Variants in LPCAT1 observed in about 807,000 individuals in gnomAD.
LPCAT1 encodes the protein lysophosphatidylcholine acyltransferase 1.
A neutral mutation model predicts 60.9 loss-of-function variants in LPCAT1; 23 were observed. The observed-to-expected ratio is 0.38, with a 90% CI of 0.27 to 0.53. The LOEUF is 0.53. LPCAT1 is among the 20% of genes least tolerant of loss of function. The pLI is 0.82. For missense variants in LPCAT1, 622 were observed against 723.6 expected (o/e 0.86, Z 1.61); for synonymous variants, 340 against 301.1 (o/e 1.13, Z -1.34).
At position 1,483,574 on chromosome 5, in the gene LPCAT1, G is replaced by T. The variant is rs1203432237; in HGVS notation, c.668-88C>A. 7.0e-7 allele frequency: 1 copy of T among 1,426,376 alleles called. No individual in the cohort carries two copies. Among genetic ancestry groups the T allele is most frequent in the East Asian group, 2.3e-5 (1 of 43,848 alleles). The allele number at this position is 1,426,376 out of a possible 1,614,324, so 88.4% of individuals were successfully genotyped here. A position where few individuals can be genotyped will look rare whatever the true frequency, so the allele number is the denominator to read the frequency against. The stretch of plus-strand genomic sequence containing the variant: ...TTCTCATGCTGCCCTTGGGATAAAA[G>T]TGAGCTTTTCTGTCTAGGCCTTCCT... On this transcript the variant is annotated intron_variant, in intron 5 of 13. Coordinates refer to ENST00000283415, the MANE Select transcript of LPCAT1 (RefSeq NM_024830.5). The surrounding 1 kb of genome is among the most constrained non-coding windows in gnomAD (Gnocchi z 9.2).
At chr5:1,501,796 A>G (rs965789003) in intron 1 of LPCAT1, among the ~76,000 whole-genome samples, 193 bp from the exon 2 acceptor site, 1 of 151,982 alleles carries the variant, frequency 6.6e-6, no homozygotes, top group Admixed American at 6.6e-5. Context: ...GAGGCTGACC[A>G]GTGCTGACCG....
intron 13 of LPCAT1, among the ~76,000 whole-genome samples, chr5:1,464,107 G>T (rs1734223539): frequency 6.6e-6 from 1 of 152,224 alleles, no homozygotes; most frequent in African/African-American, 2.4e-5. Flanking sequence ...TTCTGGTTTT[G>T]AATTCGACAG....
chr5:1,523,160 G>C lies in LPCAT1; in HGVS notation c.135+550C>G, dbSNP rs1364139581. 6.6e-6 allele frequency among the ~76,000 whole-genome samples: 1 copy of C among 152,192 alleles called. No homozygotes were observed. Among genetic ancestry groups the C allele is most frequent in the African/African-American group, 2.4e-5 (1 of 41,466 alleles). ...TACAGGGGACCCGCACCGCCCGCGC[G>C]CCCTGTCCCGGGCACCACCAGGCCC... On this transcript the variant is annotated intron_variant, in intron 1 of 13. Coordinates refer to ENST00000283415, the MANE Select transcript of LPCAT1 (RefSeq NM_024830.5). The surrounding 1 kb of genome is among the most constrained non-coding windows in gnomAD (Gnocchi z 7.1).
intron 5 of LPCAT1, among the ~76,000 whole-genome samples, chr5:1,484,876 C>T (rs1735311420): frequency 6.6e-6 from 1 of 152,182 alleles, no homozygotes; most frequent in African/African-American, 2.4e-5. Flanking sequence ...CACCTGGGAG[C>T]AAGCTCATGC....
At chr5:1,500,088 G>A (rs1735950256) in intron 2 of LPCAT1, among the ~76,000 whole-genome samples, 1 of 152,224 alleles carries the variant, frequency 6.6e-6, no homozygotes, top group African/African-American at 2.4e-5. Flanking sequence ...CAGGCCAGCG[G>A]GCGTGCCCGT....
chr5:1,465,357 C>T (rs550896253), intron 13 of LPCAT1, among the ~76,000 whole-genome samples: 8 of 147,572 alleles, frequency 5.4e-5, no homozygotes, highest in East Asian at 4.0e-4. Flanking sequence ...CACATGCGCA[C>T]GCACAAGTGC....
At chr5:1,465,762 G>T (rs1204957301) in intron 13 of LPCAT1, among the ~76,000 whole-genome samples, 1 of 107,678 alleles carries the variant, frequency 9.3e-6, no homozygotes, top group Non-Finnish European at 1.9e-5. Flanking sequence ...GTACACAAAC[G>T]TGTGCACACA....
At chr5:1,500,120 T>C (rs1735951500) in intron 2 of LPCAT1, among the ~76,000 whole-genome samples, 2 of 152,368 alleles carry the variant, frequency 1.3e-5, no homozygotes, top group South Asian at 2.1e-4. Context: ...ACTTTACTTA[T>C]AGTCAGGCAG....
At chr5:1,464,644 C>CACAG in intron 13 of LPCAT1, among the ~76,000 whole-genome samples, 1 of 80,474 alleles carries the variant, frequency 1.2e-5, no homozygotes, top group African/African-American at 3.5e-5. Flanking sequence ...CACATGCGTG[C>CACAG]ACACACACAC....
intron 13 of LPCAT1, among the ~76,000 whole-genome samples, chr5:1,465,184 C>T (rs1243161624): frequency 9.7e-5 from 14 of 144,234 alleles, no homozygotes; most frequent in Non-Finnish European, 1.4e-4. Flanking sequence ...ACAAAACAAG[C>T]GCACGCGCAC....
Position 1,466,875 on chromosome 5 carries a change from C to G in LPCAT1, c.1294G>C (p.Glu432Gln). 1 of 1,603,802 alleles carries G rather than the reference C, an allele frequency of 6.2e-7. No individual in the cohort carries two copies. The highest frequency in any genetic ancestry group is 2.3e-5 in the East Asian group (1 of 44,158). Residue 432 changes from glutamate to glutamine, a missense_variant, in exon 13 of 14, where the codon GAG becomes CAG. Around this residue, in one of 3 missense-constraint regions of LPCAT1, gnomAD observed 288 missense variants for 283.6 expected, o/e 1.02. Coordinates refer to ENST00000283415, the MANE Select transcript of LPCAT1 (RefSeq NM_024830.5). ...QLAFKMYGAQ[E>Q]DGSVGEGDLS... The stretch of plus-strand genomic sequence containing the variant: ...TCACCTTCGCCGACGCTGCCGTCCT[C>G]TTGCGCTCCGTACATCTGCAAGGCA...
At position 1,523,440 on chromosome 5, in the gene LPCAT1, C is replaced by A. The variant is rs1459733581; in HGVS notation, c.135+270G>T. Among the ~76,000 whole-genome samples the A allele has an allele frequency of 1.3e-5, 2 of 149,882 alleles. No homozygotes were observed. Among genetic ancestry groups the A allele is most frequent in the African/African-American group, 4.9e-5 (2 of 40,786 alleles). Reference sequence around the variant, plus strand: ...CTGGGGGGAGGAGCAGAACGCGGGGCGGGGATGGGAAGCGGGGACCCCGAG... The same window carrying A: ...CTGGGGGGAGGAGCAGAACGCGGGGAGGGGATGGGAAGCGGGGACCCCGAG... On this transcript the variant is annotated intron_variant, in intron 1 of 13. Transcript: ENST00000283415. The surrounding 1 kb of genome is among the most constrained non-coding windows in gnomAD (Gnocchi z 7.1).
rs1193249850 is a variant in LPCAT1, at chr5:1,496,352, C to T, written c.279-1438G>A. On this transcript the variant is annotated intron_variant, in intron 2 of 13. Transcript: ENST00000283415. The surrounding 1 kb of genome is among the most constrained non-coding windows in gnomAD (Gnocchi z 4.7). The stretch of plus-strand genomic sequence containing the variant: ...CTCCAGCCTGGGCAACAGAGTGAGA[C>T]TCCATCTCAAGAAAACTAAACTAAA... Among the ~76,000 whole-genome samples, 1 of 151,398 alleles carries T rather than the reference C, an allele frequency of 6.6e-6. No homozygotes were observed. The highest frequency in any genetic ancestry group is 1.5e-5 in the Non-Finnish European group (1 of 67,924).
chr5:1,464,158 A>G (rs1734227690), intron 13 of LPCAT1, among the ~76,000 whole-genome samples: 1 of 152,212 alleles, frequency 6.6e-6, no homozygotes, highest in Non-Finnish European at 1.5e-5. Context: ...CACTGTAACC[A>G]GAGAAGCTGG....
At chr5:1,497,471 A>C (rs1735837436) in intron 2 of LPCAT1, among the ~76,000 whole-genome samples, 1 of 152,270 alleles carries the variant, frequency 6.6e-6, no homozygotes, top group Non-Finnish European at 1.5e-5. Flanking sequence ...ATACACATGT[A>C]CACAGCCTGA....
At position 1,466,760 on chromosome 5, in the gene LPCAT1, T is replaced by C. The variant is rs758976923; in HGVS notation, c.1409A>G (p.Lys470Arg). Residue 470 changes from lysine to arginine, a missense_variant, in exon 13 of 14, where the codon AAG becomes AGG. By Grantham distance (26) the Lys-to-Arg change is conservative. This residue lies in a region of LPCAT1 where 288 missense variants were observed against 283.6 expected (regional missense o/e 1.02). Coordinates refer to ENST00000283415, the MANE Select transcript of LPCAT1 (RefSeq NM_024830.5). ...FRAIDQEEKG[K>R]ITFADFHRFA... ...TCCTGCGGGCTCACCGAATGTGATC[T>C]TCCCCTTCTCCTCTTGGTCAATGGC... 2 of 1,611,754 alleles carry C rather than the reference T, an allele frequency of 1.2e-6. No individual in the cohort carries two copies. Among genetic ancestry groups the C allele is most frequent in the South Asian group, 1.1e-5 (1 of 90,792 alleles).
At chr5:1,470,248 C>T (rs2126487249) in intron 12 of LPCAT1, among the ~76,000 whole-genome samples, 1 of 152,360 alleles carries the variant, frequency 6.6e-6, no homozygotes, top group South Asian at 2.1e-4. Context: ...ATAGGCCAGG[C>T]CAAACCCTCA....
At position 1,491,652 on chromosome 5, in the gene LPCAT1, C is replaced by T. The variant is rs150953463; in HGVS notation, c.494-1794G>A. ...CCCTGAGGAGGGAAGGGTGTCACCA[C>T]GCCGTGTGCACAGCCACACTGGGAC... On this transcript the variant is annotated intron_variant, in intron 3 of 13. Transcript: ENST00000283415. 2.0e-3 allele frequency among the ~76,000 whole-genome samples: 308 copies of T among 152,254 alleles called. 1 individual carries two copies. Among genetic ancestry groups the T allele is most frequent in the African/African-American group, 6.9e-3 (286 of 41,552 alleles).
At chr5:1,469,836 G>A (rs1734595977) in intron 12 of LPCAT1, among the ~76,000 whole-genome samples, 2 of 152,128 alleles carry the variant, frequency 1.3e-5, no homozygotes, top group Admixed American at 6.5e-5. Flanking sequence ...GCCAGCAGGG[G>A]CCGCAGGGCC....
Sources: allele counts gnomAD v4.1 joint callset (sites outside exome capture counted in the v4.1 genomes callset), GRCh38; gene constraint gnomAD v4.1.1; regional missense constraint gnomAD v4.1.1; non-coding constraint Gnocchi (gnomAD v3.1); transcripts MANE v1.5; gene names NCBI Gene and HGNC (gene_info 2026-07-23, HGNC 2026-07-21).